The following RFC1 variants were observed in gnomAD, a reference collection of about 807,000 sequenced individuals.
RFC1 encodes A1 140 kDa subunit.
Under a neutral mutation model 137.4 loss-of-function variants are expected in RFC1, and 37 were observed. The observed-to-expected ratio is 0.27, with a 90% CI of 0.21 to 0.35. The LOEUF is 0.35. Among genes scored for constraint, RFC1 ranks in the 10% least tolerant of loss-of-function variants. The pLI is 1.00. For synonymous variants in RFC1, 429 were observed against 455.7 expected (o/e 0.94, Z 0.75); for missense variants, 1,205 against 1,358.5 (o/e 0.89, Z 1.78).
chr4:39,360,694 C>T (rs1446969802), intron 1 of RFC1, among the ~76,000 whole-genome samples: 1 of 151,762 alleles, frequency 6.6e-6, no homozygotes, highest in East Asian at 1.9e-4. Context: ...GAGATTGTAC[C>T]ACTGCACTCC....
At position 39,288,554 on chromosome 4, in the gene RFC1, A is replaced by G. The variant is rs1737494328; in HGVS notation, c.*207T>C. On this transcript the variant is annotated 3_prime_UTR_variant, in exon 25 of 25. Coordinates refer to ENST00000349703, the MANE Select transcript of RFC1 (RefSeq NM_002913.5). ...TTGACAGAGGACAGTGGAGGACCCAAGCAGTCCTATCAACCTCTATAAGAG... is the reference window on the plus strand; with the variant it reads ...TTGACAGAGGACAGTGGAGGACCCAGGCAGTCCTATCAACCTCTATAAGAG... 1 of 476,816 alleles carries G rather than the reference A, an allele frequency of 2.1e-6. No homozygotes were observed. Among genetic ancestry groups the G allele is most frequent in the African/African-American group, 2.0e-5 (1 of 50,280 alleles). The allele number at this position is 476,816 out of a possible 1,614,324, so 29.5% of individuals were successfully genotyped here.
At chr4:39,303,328 G>GAGA in intron 15 of RFC1, 177 bp from the exon 16 acceptor site, 1 of 585,874 alleles carries the variant, frequency 1.7e-6, no homozygotes, top group Non-Finnish European at 3.0e-6. Flanking sequence ...ATGCAGAGAA[G>GAGA]AGAAACTCTC....
intron 4 of RFC1, among the ~76,000 whole-genome samples, chr4:39,331,130 T>C (rs1010574943): frequency 2.6e-5 from 4 of 152,210 alleles, no homozygotes; most frequent in Admixed American, 6.5e-5. Flanking sequence ...ATGATCATGG[T>C]ATTATAGAAA....
At chr4:39,315,614 T>C (rs1169849180) in intron 10 of RFC1, among the ~76,000 whole-genome samples, 2 of 152,162 alleles carry the variant, frequency 1.3e-5, no homozygotes, top group African/African-American at 4.8e-5. Flanking sequence ...AACGAACTCA[T>C]TATCATCTCC....
At chr4:39,333,952 C>T (rs1740233742) in intron 4 of RFC1, among the ~76,000 whole-genome samples, 1 of 151,952 alleles carries the variant, frequency 6.6e-6, no homozygotes, top group Non-Finnish European at 1.5e-5. Context: ...ACAAAAAGTG[C>T]AAATAAGGCT....
intron 1 of RFC1, among the ~76,000 whole-genome samples, chr4:39,359,263 ACT>A (rs1741629789): frequency 1.3e-5 from 2 of 152,242 alleles, no homozygotes; most frequent in African/African-American, 4.8e-5. Context: ...TAGAGGCCTC[ACT>A]CTGTGCCATG....
In RFC1 at chr4:39,287,736, A is replaced by G. The variant is rs953114062; in HGVS notation, c.*1025T>C. Reference sequence around the variant, plus strand: ...CCATAGCCTCACGGCCACTCAACACATACAGTTATAGGAATAACCCAAACT... The same window carrying G: ...CCATAGCCTCACGGCCACTCAACACGTACAGTTATAGGAATAACCCAAACT... On this transcript the variant is annotated 3_prime_UTR_variant, in exon 25 of 25. Transcript: ENST00000349703. 1 of 152,226 alleles carries G rather than the reference A, an allele frequency of 6.6e-6. No homozygotes were observed. Among genetic ancestry groups the G allele is most frequent in the Admixed American group, 6.5e-5 (1 of 15,288 alleles). The allele number at this position is 152,226 out of a possible 1,614,324, so 9.4% of individuals were successfully genotyped here.
At chr4:39,288,984 T>C in intron 24 of RFC1, 140 bp from the exon 25 acceptor site, 1 of 646,756 alleles carries the variant, frequency 1.5e-6, no homozygotes, top group Non-Finnish European at 2.7e-6. Context: ...GATCTTGAAC[T>C]ACTGCAACCC....
At chr4:39,293,774 T>TA (rs1165215241) in intron 22 of RFC1, among the ~76,000 whole-genome samples, 1 of 152,086 alleles carries the variant, frequency 6.6e-6, no homozygotes, top group Non-Finnish European at 1.5e-5. Context: ...ACATGGAGTC[T>TA]AGCGGGAGCA....
At chr4:39,300,224 T>C (rs1372627924) in intron 20 of RFC1, 36 bp downstream of exon 20, 2 of 1,613,342 alleles carry the variant, frequency 1.2e-6, no homozygotes, top group South Asian at 2.2e-5. Flanking sequence ...CAGTGCTGGA[T>C]ACTAAGCACA....
Position 39,342,358 on chromosome 4 carries a change from G to A in RFC1, c.318C>T (p.Tyr106=). The A allele has an allele frequency of 6.2e-7, 1 of 1,612,778 alleles. No individual in the cohort carries two copies. The highest frequency in any genetic ancestry group is 8.5e-7 in the Non-Finnish European group (1 of 1,179,166). The change falls in exon 4 of 25, where the codon TAC becomes TAT. Residue 106 remains tyrosine (Y), a synonymous_variant. Coordinates refer to ENST00000349703, the MANE Select transcript of RFC1 (RefSeq NM_002913.5). The stretch of plus-strand genomic sequence containing the variant: ...ATGCAACCTTACCTGTTTCTGAAAT[G>A]TATGTAACAGGATCCTGCCGTGAAA... ...GKISRQDPVT[Y]ISETDEEDDF...
At chr4:39,309,790 A>T (rs904327123) in intron 12 of RFC1, among the ~76,000 whole-genome samples, 1 of 152,254 alleles carries the variant, frequency 6.6e-6, no homozygotes, top group Non-Finnish European at 1.5e-5. Flanking sequence ...ACTGATTTGT[A>T]TACTTTATAA....
At chr4:39,305,942 A>G (rs1738626296) in intron 14 of RFC1, among the ~76,000 whole-genome samples, 1 of 152,234 alleles carries the variant, frequency 6.6e-6, no homozygotes, top group Non-Finnish European at 1.5e-5. Context: ...CAACAAAAAA[A>G]CAAAAGAAAC....
chr4:39,301,771 C>T (rs972705819), intron 19 of RFC1, among the ~76,000 whole-genome samples: 2 of 152,150 alleles, frequency 1.3e-5, no homozygotes, highest in African/African-American at 4.8e-5. Flanking sequence ...CATAGCGAGA[C>T]CCTGTCTCTA....
At chr4:39,351,933 A>G (rs990147916) in intron 1 of RFC1, among the ~76,000 whole-genome samples, 3 of 150,714 alleles carry the variant, frequency 2.0e-5, no homozygotes, top group Non-Finnish European at 4.4e-5. Context: ...ACTGCACTCC[A>G]GCCTGCCTGG....
intron 1 of RFC1, among the ~76,000 whole-genome samples, chr4:39,362,443 T>C (rs962642913): frequency 1.3e-5 from 2 of 152,158 alleles, no homozygotes; most frequent in African/African-American, 2.4e-5. Context: ...GATAGATATA[T>C]AGATCAATGG....
At chr4:39,343,075 T>C (rs1578157175) in intron 3 of RFC1, among the ~76,000 whole-genome samples, 2 of 152,154 alleles carry the variant, frequency 1.3e-5, no homozygotes, top group South Asian at 4.1e-4. Flanking sequence ...TGTTGTGGAG[T>C]GCAGTGGCGT....
At chr4:39,291,466 A>G (rs907927954) in intron 23 of RFC1, among the ~76,000 whole-genome samples, 173 bp downstream of exon 23, 1 of 152,208 alleles carries the variant, frequency 6.6e-6, no homozygotes, top group African/African-American at 2.4e-5. Context: ...CCAGAAGTCT[A>G]CTCTTAATAC....
chr4:39,313,372 T>A (rs1739063835), intron 10 of RFC1, among the ~76,000 whole-genome samples: 1 of 152,250 alleles, frequency 6.6e-6, no homozygotes, highest in African/African-American at 2.4e-5. Context: ...TATACTCCTA[T>A]CATTTTGATG....
Sources: allele counts gnomAD v4.1 joint callset (sites outside exome capture counted in the v4.1 genomes callset), GRCh38; gene constraint gnomAD v4.1.1; transcripts MANE v1.5; gene names NCBI Gene and HGNC (gene_info 2026-07-23, HGNC 2026-07-21).